ZNF333: variants seen among roughly 807,000 people sequenced by gnomAD.
ZNF333 encodes the protein zinc finger protein 333.
ZNF333 carries 61 observed loss-of-function variants against 76.1 expected under a neutral mutation model. The ratio of observed to expected loss-of-function variants is 0.80; its 90% CI spans 0.65 to 0.99. The LOEUF is 0.99. ZNF333 is among the 50% of genes least tolerant of loss of function. ZNF333 has a pLI of 0.00. For missense variants in ZNF333, 717 were observed against 822.4 expected, an observed-to-expected ratio of 0.87 and a Z score of 1.57; for synonymous variants, 284 against 305.0, an observed-to-expected ratio of 0.93 and a Z score of 0.72.
chr19:14,715,306 G>C (rs753954250), intron 7 of ZNF333, 76 bp from the exon 8 acceptor site: 2 of 1,294,340 alleles, frequency 1.5e-6, no homozygotes, highest in Non-Finnish European at 2.2e-6. Flanking sequence ...CACAGCCAGG[G>C]TGGGCAGACT....
At chr19:14,691,837 C>T (rs893119698) in intron 1 of ZNF333, among the ~76,000 whole-genome samples, 8 of 151,934 alleles carry the variant, frequency 5.3e-5, no homozygotes, top group East Asian at 1.9e-4. Flanking sequence ...CCACCATGCC[C>T]GGCTAATTTT....
At chr19:14,700,500 T>C (rs887253159) in intron 5 of ZNF333, 8 of 152,252 alleles carry the variant, frequency 5.3e-5, no homozygotes, top group African/African-American at 1.9e-4. Context: ...CTTTTCTTCT[T>C]AGGAGACCAG....
At chr19:14,722,677 T>C (rs559767166), downstream of ZNF333, among the ~76,000 whole-genome samples, 1 of 152,354 alleles carries the variant, frequency 6.6e-6, no homozygotes, top group South Asian at 2.1e-4. Context: ...TCATTGCAAA[T>C]CTAATGTCGT....
chr19:14,718,089 G>T, intron 11 of ZNF333, 139 bp from the exon 12 acceptor site: 1 of 1,197,062 alleles, frequency 8.4e-7, no homozygotes, highest in Non-Finnish European at 1.1e-6. Context: ...AAGGAACTCT[G>T]GATAGAAATG....
chr19:14,725,390 CA>C (rs2042627170), downstream of ZNF333, among the ~76,000 whole-genome samples: 1 of 152,178 alleles, frequency 6.6e-6, no homozygotes, highest in African/African-American at 2.4e-5. Context: ...CCTTAAATCT[CA>C]ATACCTTCTC....
chr19:14,704,022 G>A (rs189309339), intron 5 of ZNF333, among the ~76,000 whole-genome samples: 51 of 152,286 alleles, frequency 3.3e-4, no homozygotes, highest in Non-Finnish European at 6.9e-4. Flanking sequence ...GATCAAGGTG[G>A]CGGCAGGGCT....
intron 5 of ZNF333, 64 bp from the exon 6 acceptor site, chr19:14,704,990 C>T (rs1354537136): frequency 6.5e-7 from 1 of 1,531,448 alleles, no homozygotes; most frequent in Non-Finnish European, 8.9e-7. Context: ...CCAAAGGTCT[C>T]TCGGGCTGAG....
At chr19:14,730,283 G>A (rs2042659148) in intron 11 of ZNF333, among the ~76,000 whole-genome samples, 1 of 152,094 alleles carries the variant, frequency 6.6e-6, no homozygotes. Context: ...TTGAACTCCT[G>A]ACCTCAGGTG....
chr19:14,722,478 G>T (rs1337110560), downstream of ZNF333, among the ~76,000 whole-genome samples: 1 of 152,174 alleles, frequency 6.6e-6, no homozygotes, highest in East Asian at 1.9e-4. Context: ...TTGTTGAGTT[G>T]TGGAAGTTCT....
chr19:14,730,535 CTCTT>C (rs1227665783), intron 11 of ZNF333, among the ~76,000 whole-genome samples: 2 of 112,422 alleles, frequency 1.8e-5, no homozygotes, highest in Non-Finnish European at 4.1e-5. Context: ...GTCTTCCTCT[CTCTT>C]TCTGTATTTC....
At chr19:14,733,413 C>T (rs186781449) in exon 12 of ZNF333, 2 of 152,288 alleles carry the variant, frequency 1.3e-5, no homozygotes, top group East Asian at 1.9e-4. Flanking sequence ...TGGGTAACTG[C>T]CAAACTTCAC....
At chr19:14,699,303 C>T in intron 5 of ZNF333, 22 bp downstream of exon 5, 2 of 1,608,062 alleles carry the variant, frequency 1.2e-6, no homozygotes, top group Non-Finnish European at 1.7e-6. Flanking sequence ...GGGGTTTTCC[C>T]CGGCTCCCAG....
At chr19:14,704,153 G>A (rs1273662709) in intron 5 of ZNF333, among the ~76,000 whole-genome samples, 1 of 151,986 alleles carries the variant, frequency 6.6e-6, no homozygotes, top group Non-Finnish European at 1.5e-5. Flanking sequence ...CTCTTCAGGG[G>A]CTCTGTCCTA....
intron 11 of ZNF333, 139 bp from the exon 12 acceptor site, chr19:14,718,087 CTG>C: frequency 6.7e-6 from 8 of 1,188,008 alleles, no homozygotes; most frequent in Non-Finnish European, 9.2e-6. Context: ...TGAAGGAACT[CTG>C]GATAGAAATG....
At chr19:14,717,559 A>G (rs996101851) in intron 10 of ZNF333, 98 bp from the exon 11 acceptor site, 1 of 1,049,946 alleles carries the variant, frequency 9.5e-7, no homozygotes, top group Non-Finnish European at 1.5e-6. Flanking sequence ...GTATTTGGGA[A>G]AAAAAGTCCA....
chr19:14,706,627 G>T (rs2042117544), intron 6 of ZNF333, 59 bp from the exon 7 acceptor site: 5 of 1,337,532 alleles, frequency 3.7e-6, no homozygotes, highest in African/African-American at 1.4e-5. Flanking sequence ...GGGTGAGCAG[G>T]TGTGAGTGGC....
In ZNF333 at chr19:14,719,128, C is replaced by T. The variant is rs374323298; in HGVS notation, c.1801C>T (p.Gln601Ter). 2.5e-6 allele frequency: 4 copies of T among 1,614,056 alleles called. No homozygotes were observed. Among genetic ancestry groups the T allele is most frequent in the Non-Finnish European group, 3.4e-6 (4 of 1,180,036 alleles). ...ACQECGRAFG[Q>*]SSHLIVHVRT... ...CCAGGAATGCGGGCGAGCCTTTGGT[C>T]AGTCTTCACATCTTATTGTACATGT... The change falls in exon 12 of 12, where the codon CAG (glutamine) becomes TAG (stop). Residue 601 changes from glutamine to a stop codon, truncating the protein, a stop_gained. Transcript: ENST00000292530. LOFTEE classifies it high-confidence loss of function.
intron 6 of ZNF333, among the ~76,000 whole-genome samples, chr19:14,705,917 G>T (rs1004062439): frequency 6.6e-6 from 1 of 152,126 alleles, no homozygotes; most frequent in South Asian, 2.1e-4. Flanking sequence ...TGCCAAAAAG[G>T]TTGGTGACTG....
At chr19:14,702,821 C>A (rs1456619874) in intron 5 of ZNF333, among the ~76,000 whole-genome samples, 1 of 152,150 alleles carries the variant, frequency 6.6e-6, no homozygotes, top group Non-Finnish European at 1.5e-5. Flanking sequence ...AGGAAACTTA[C>A]AACATGGCGG....
Sources: gnomAD v4.1 joint callset for allele counts (sites outside exome capture counted in the v4.1 genomes callset) on GRCh38, gnomAD v4.1.1 for gene constraint, MANE v1.5 for transcripts, NCBI Gene and HGNC (gene_info 2026-07-23, HGNC 2026-07-21) for gene names.